The following SFMBT2 variants were observed in gnomAD, a reference collection of about 807,000 sequenced individuals.
SFMBT2 encodes the protein scm-like with four MBT domains protein 2.
SFMBT2 carries 38 observed loss-of-function variants against 110.1 expected under a neutral mutation model. That is an observed-to-expected ratio of 0.35 (90% CI 0.27 to 0.45). The LOEUF (loss-of-function observed/expected upper bound fraction) is 0.45. Ranked by LOEUF, SFMBT2 falls within the 20% of genes least tolerant of loss-of-function variation. The probability of loss-of-function intolerance (pLI) is 1.00; values close to 1 mark genes in which losing one functional copy is unlikely to be tolerated. For missense variants in SFMBT2, 1,011 were observed against 1,094.9 expected (o/e 0.92, Z 1.08); for synonymous variants, 425 against 425.4 (o/e 1.00, Z 0.01).
At chr10:7,248,321 AC>A (rs1042426641) in intron 8 of SFMBT2, among the ~76,000 whole-genome samples, 1 of 152,212 alleles carries the variant, frequency 6.6e-6, no homozygotes, top group Admixed American at 6.5e-5. Flanking sequence ...AGGAAAATTC[AC>A]CCTATCCATG....
rs146903295 is a variant in SFMBT2 at position 7,171,297 on chromosome 10, C to T, written c.2416-241G>A. ...GGAAGAAGGCAGGCACAGTGACAGT[C>T]GCTCTTGCATCCCTAGTTCAGGAAA... On this transcript the variant is annotated intron_variant, in intron 19 of 20. Transcript: ENST00000397167. The surrounding 1 kb of genome is among the most constrained non-coding windows in gnomAD (Gnocchi z 4.9). 6,380 of 845,724 alleles carry T rather than the reference C, an allele frequency of 7.5e-3. 21 individuals carry two copies. Among genetic ancestry groups the T allele is most frequent in the Admixed American group, 8.7e-3 (140 of 16,122 alleles). The allele number at this position is 845,724 out of a possible 1,614,324, so 52.4% of individuals were successfully genotyped here.
In SFMBT2 at chr10:7,353,864, T is replaced by C. The variant is rs192280278; in HGVS notation, c.436+13785A>G. ...ACTTTGGGAGGCCGAGGTAGGCGGA[T>C]CACCTGAGGTCAGCAGTTCGAGACC... On this transcript the variant is annotated intron_variant, in intron 4 of 20. Coordinates refer to ENST00000397167, the MANE Select transcript of SFMBT2 (RefSeq NM_001387889.1). 7.8e-4 allele frequency among the ~76,000 whole-genome samples: 118 copies of C among 152,230 alleles called. 1 individual carries two copies. The highest frequency in any genetic ancestry group is 2.8e-3 in the African/African-American group (115 of 41,540).
intron 4 of SFMBT2, among the ~76,000 whole-genome samples, chr10:7,296,985 G>T (rs1414720935): frequency 1.3e-5 from 2 of 152,162 alleles, no homozygotes; most frequent in Non-Finnish European, 2.9e-5. Flanking sequence ...TGAGTCCCCT[G>T]CCTGCTGGCC....
At chr10:7,359,089 A>G (rs1479545785) in intron 4 of SFMBT2, among the ~76,000 whole-genome samples, 2 of 152,182 alleles carry the variant, frequency 1.3e-5, no homozygotes, top group African/African-American at 2.4e-5. Flanking sequence ...GAGGGGGAAT[A>G]AAGGGAGGTC....
At chr10:7,299,735 A>G (rs918985209) in intron 4 of SFMBT2, among the ~76,000 whole-genome samples, 3 of 152,210 alleles carry the variant, frequency 2.0e-5, no homozygotes, top group African/African-American at 7.2e-5. Flanking sequence ...ATTTATTTAT[A>G]TATTAAACAT....
At chr10:7,380,041 C>T (rs1475107441) in intron 2 of SFMBT2, among the ~76,000 whole-genome samples, 2 of 152,192 alleles carry the variant, frequency 1.3e-5, no homozygotes, top group East Asian at 3.8e-4. Context: ...CAGTAATCCA[C>T]GTTGGATGTG....
chr10:7,235,610 T>C (rs1840229358), intron 9 of SFMBT2, among the ~76,000 whole-genome samples: 2 of 151,174 alleles, frequency 1.3e-5, no homozygotes, highest in Non-Finnish European at 3.0e-5. Flanking sequence ...ACATCACATA[T>C]TAGATACACA....
rs1011413944 is a variant in SFMBT2, at chr10:7,159,551, C to T, written c.*4219G>A. 6 of 152,262 alleles carry T rather than the reference C, an allele frequency of 3.9e-5. No homozygotes were observed. The highest frequency in any genetic ancestry group is 2.1e-4 in the South Asian group (1 of 4,824). 9.4% of individuals were successfully genotyped at this position (152,262 alleles called of 1,614,324 possible). On this transcript the variant is annotated 3_prime_UTR_variant, in exon 21 of 21. Transcript: ENST00000397167. The stretch of plus-strand genomic sequence containing the variant: ...CTTTGCTATTTAATTATTGCACCAA[C>T]GAGATATGGGCAGTATGGATATCTT...
intron 11 of SFMBT2, among the ~76,000 whole-genome samples, chr10:7,208,683 T>C (rs937418189): frequency 1.9e-5 from 1 of 52,218 alleles, no homozygotes; most frequent in South Asian, 9.5e-4. Context: ...CAAAATTCCA[T>C]CTCAAAAAAA....
intron 10 of SFMBT2, among the ~76,000 whole-genome samples, chr10:7,221,967 G>T (rs1839755967): frequency 6.6e-6 from 1 of 152,146 alleles, no homozygotes; most frequent in East Asian, 1.9e-4. Context: ...CCACCAATCT[G>T]TTTTCTGTTC....
At chr10:7,366,024 T>C (rs114637551) in intron 4 of SFMBT2, among the ~76,000 whole-genome samples, 165 of 152,188 alleles carry the variant, frequency 1.1e-3, no homozygotes, top group African/African-American at 3.8e-3. Flanking sequence ...TGATGAACAC[T>C]GAAGGCGCAG....
At chr10:7,252,098 C>T (rs972075129) in intron 7 of SFMBT2, among the ~76,000 whole-genome samples, 2 of 152,228 alleles carry the variant, frequency 1.3e-5, no homozygotes, top group African/African-American at 4.8e-5. Context: ...GCCCTTTCTA[C>T]ATCGCAGGCC....
intron 7 of SFMBT2, 112 bp from the exon 8 acceptor site, chr10:7,248,761 CAATT>C (rs1840705193): frequency 2.5e-6 from 2 of 796,704 alleles, no homozygotes; most frequent in Non-Finnish European, 4.0e-6. Flanking sequence ...CTTATGGAGA[CAATT>C]AACCTTCCCT....
At chr10:7,231,275 C>G (rs1321951619) in intron 9 of SFMBT2, among the ~76,000 whole-genome samples, 1 of 152,206 alleles carries the variant, frequency 6.6e-6, no homozygotes, top group Admixed American at 6.5e-5. Flanking sequence ...GTTCCACTAT[C>G]TCTTCCTGGA....
At chr10:7,283,117 C>G (rs1455972919) in intron 6 of SFMBT2, among the ~76,000 whole-genome samples, 1 of 152,174 alleles carries the variant, frequency 6.6e-6, no homozygotes, top group Non-Finnish European at 1.5e-5. Context: ...AAATTCACAA[C>G]AAACATGCAG....
At chr10:7,393,031 AT>A (rs1845823416) in intron 1 of SFMBT2, among the ~76,000 whole-genome samples, 54 of 32,514 alleles carry the variant, frequency 1.7e-3, no homozygotes, top group African/African-American at 9.5e-3. Context: ...ATATATATAT[AT>A]ATAATTTTTT....
chr10:7,355,311 ATAAAAT>A (rs1297050309), intron 4 of SFMBT2, among the ~76,000 whole-genome samples: 4 of 152,228 alleles, frequency 2.6e-5, no homozygotes, highest in African/African-American at 9.6e-5. Context: ...AAATATTAAA[ATAAAAT>A]TAAATATTTT....
At chr10:7,198,058 G>A in intron 14 of SFMBT2, 1 of 985,362 alleles carries the variant, frequency 1.0e-6, no homozygotes, top group Non-Finnish European at 1.2e-6. Flanking sequence ...GTATGAATCT[G>A]GTGTTCATCA....
At chr10:7,262,253 G>C (rs1306815969) in intron 7 of SFMBT2, among the ~76,000 whole-genome samples, 1 of 132,524 alleles carries the variant, frequency 7.5e-6, no homozygotes, top group Admixed American at 7.0e-5. Context: ...GAGGGGGGAT[G>C]GGGGAGCCAC....
Sources: allele counts gnomAD v4.1 joint callset (sites outside exome capture counted in the v4.1 genomes callset), GRCh38; gene constraint gnomAD v4.1.1; non-coding constraint Gnocchi (gnomAD v3.1); transcripts MANE v1.5; gene names NCBI Gene and HGNC (gene_info 2026-07-23, HGNC 2026-07-21).